KHDRBS2: variants seen among roughly 807,000 people sequenced by gnomAD.
KHDRBS2 encodes KH RNA binding domain containing, signal transduction associated 2.
KHDRBS2 carries 26 observed loss-of-function variants against 44.3 expected under a neutral mutation model. The observed-to-expected ratio is 0.59, with a 90% confidence interval of 0.43 to 0.81. KHDRBS2 has a LOEUF of 0.81. Ranked by LOEUF, KHDRBS2 falls within the 40% of genes least tolerant of loss-of-function variation. The pLI is 0.00. For missense variants in KHDRBS2, 476 were observed against 433.1 expected, an observed-to-expected ratio of 1.10 and a Z score of -0.88; for synonymous variants, 194 against 151.1, an observed-to-expected ratio of 1.28 and a Z score of -2.08.
At chr6:62,160,761 T>C (rs1371042683) in intron 2 of KHDRBS2, among the ~76,000 whole-genome samples, 1 of 152,096 alleles carries the variant, frequency 6.6e-6, no homozygotes, top group Admixed American at 6.6e-5. Context: ...GAGAAGGTGA[T>C]GACTTAGCCC....
At chr6:61,943,051 G>A (rs565532251) in intron 4 of KHDRBS2, among the ~76,000 whole-genome samples, 4 of 137,336 alleles carry the variant, frequency 2.9e-5, no homozygotes, top group African/African-American at 8.1e-5. Context: ...AGGAAGGGAG[G>A]GAAAGGAAGG....
chr6:62,103,563 T>C (rs1367942434), intron 2 of KHDRBS2, among the ~76,000 whole-genome samples: 12 of 103,022 alleles, frequency 1.2e-4, no homozygotes, highest in African/African-American at 4.6e-4. Flanking sequence ...CCCCCACCTC[T>C]GAGAGCACCA....
chr6:61,796,207 A>C (rs887383972), intron 6 of KHDRBS2, among the ~76,000 whole-genome samples: 5 of 152,030 alleles, frequency 3.3e-5, no homozygotes. Flanking sequence ...TATTATTTTT[A>C]TGTAAATGTA....
chr6:61,560,354 T>A, the KHDRBS2 span, among the ~76,000 whole-genome samples: 1 of 152,190 alleles, frequency 6.6e-6, no homozygotes, highest in African/African-American at 2.4e-5. Context: ...TAACTTCTTC[T>A]AGGTTTGGGA....
intron 1 of KHDRBS2, among the ~76,000 whole-genome samples, chr6:62,261,954 G>T (rs2150182228): frequency 6.6e-6 from 1 of 151,798 alleles, no homozygotes; most frequent in Admixed American, 6.6e-5. Flanking sequence ...TGTGGCATTA[G>T]ATATATTTAT....
chr6:61,554,256 C>A, the KHDRBS2 span, among the ~76,000 whole-genome samples: 1 of 152,072 alleles, frequency 6.6e-6, no homozygotes, highest in South Asian at 2.1e-4. Flanking sequence ...AAGTAATGCA[C>A]TTCCTTGTTT....
At chr6:61,810,230 G>A (rs1358671201) in intron 6 of KHDRBS2, among the ~76,000 whole-genome samples, 1 of 152,238 alleles carries the variant, frequency 6.6e-6, no homozygotes, top group South Asian at 2.1e-4. Flanking sequence ...GCGAGGTCAG[G>A]TTACTAACTA....
the KHDRBS2 span, among the ~76,000 whole-genome samples, chr6:61,570,575 T>A: frequency 1.3e-5 from 2 of 152,210 alleles, no homozygotes; most frequent in East Asian, 3.9e-4. Flanking sequence ...AAAGAACACC[T>A]GGCAAATTCA....
chr6:62,212,594 C>T (rs1468093280), intron 1 of KHDRBS2, among the ~76,000 whole-genome samples: 5 of 152,018 alleles, frequency 3.3e-5, no homozygotes, highest in African/African-American at 1.2e-4. Flanking sequence ...TGACTAGTGT[C>T]CTTATAAAAA....
chr6:62,194,707 A>AT (rs1433502490), intron 1 of KHDRBS2, among the ~76,000 whole-genome samples: 2 of 151,366 alleles, frequency 1.3e-5, no homozygotes, highest in Non-Finnish European at 2.9e-5. Context: ...GGGTTTCACC[A>AT]TGTTGCCCAG....
At chr6:61,961,109 A>AT (rs1192660953) in intron 4 of KHDRBS2, among the ~76,000 whole-genome samples, 1 of 152,114 alleles carries the variant, frequency 6.6e-6, no homozygotes, top group Non-Finnish European at 1.5e-5. Context: ...TCCTTATGAG[A>AT]TCCCAAGAAA....
At position 61,992,789 on chromosome 6, in the gene KHDRBS2, G is replaced by C. The variant is rs553511471; in HGVS notation, c.337-14577C>G. Among the ~76,000 whole-genome samples, 8 of 152,192 alleles carry C rather than the reference G, an allele frequency of 5.3e-5. No individual in the cohort carries two copies. In the South Asian group the frequency reaches 1.7e-3, roughly 32 times the overall value. ...ACCTGGAAAACAAGTATTTTCCAGG[G>C]GGAATGAAGGACACAGAAATTTGAC... On this transcript the variant is annotated intron_variant, in intron 3 of 8. Transcript: ENST00000281156.
chr6:61,671,975 T>C, the KHDRBS2 span, among the ~76,000 whole-genome samples: 3 of 151,864 alleles, frequency 2.0e-5, no homozygotes, highest in Non-Finnish European at 4.4e-5. Flanking sequence ...TAGGTATATC[T>C]CCTAATGCTA....
chr6:62,193,125 A>C (rs1824948457), intron 1 of KHDRBS2, among the ~76,000 whole-genome samples: 1 of 152,084 alleles, frequency 6.6e-6, no homozygotes, highest in African/African-American at 2.4e-5. Flanking sequence ...TTTAAAACGA[A>C]TATATATGTA....
chr6:61,634,173 G>T, the KHDRBS2 span, among the ~76,000 whole-genome samples: 1 of 151,732 alleles, frequency 6.6e-6, no homozygotes, highest in Non-Finnish European at 1.5e-5. Context: ...TTCAAATGCA[G>T]TTCCTTTATT....
intron 1 of KHDRBS2, among the ~76,000 whole-genome samples, chr6:62,188,818 A>T (rs1387073663): frequency 6.6e-6 from 1 of 152,186 alleles, no homozygotes; most frequent in Non-Finnish European, 1.5e-5. Flanking sequence ...TTTCTCTTAG[A>T]AAACGTGTCA....
At chr6:62,213,042 A>T (rs1230756465) in intron 1 of KHDRBS2, among the ~76,000 whole-genome samples, 3 of 152,206 alleles carry the variant, frequency 2.0e-5, no homozygotes, top group African/African-American at 7.2e-5. Context: ...CTATTCAGAG[A>T]TCAGTTCAGA....
rs138003014 is a variant in KHDRBS2 at position 61,713,525 on chromosome 6, T to A, written c.894-16272A>T. Among the ~76,000 whole-genome samples, 541 of 151,822 alleles carry A rather than the reference T, an allele frequency of 3.6e-3. 4 individuals are homozygous for A. The highest frequency in any genetic ancestry group is 0.014 in the Middle Eastern group (4 of 294). ...ACTGCAGTGTTAGAAGAGAAATATC[T>A]TCCTTATCTATATCCTTGTAGTACA... On this transcript the variant is annotated intron_variant, in intron 7 of 8. Coordinates refer to ENST00000281156, the MANE Select transcript of KHDRBS2 (RefSeq NM_152688.4).
intron 4 of KHDRBS2, among the ~76,000 whole-genome samples, chr6:61,906,240 T>G (rs1804989954): frequency 6.6e-6 from 1 of 152,194 alleles, no homozygotes; most frequent in African/African-American, 2.4e-5. Flanking sequence ...TTTTTGCTAT[T>G]AAAATTTTTA....
Sources: gnomAD v4.1 joint callset for allele counts (sites outside exome capture counted in the v4.1 genomes callset) on GRCh38, gnomAD v4.1.1 for gene constraint, MANE v1.5 for transcripts, NCBI Gene and HGNC (gene_info 2026-07-23, HGNC 2026-07-21) for gene names.